The following HDAC4 variants were observed in gnomAD, a reference collection of about 807,000 sequenced individuals.
The protein encoded by HDAC4 is histone deacetylase A.
HDAC4 carries 16 observed loss-of-function variants against 135.1 expected under a neutral mutation model. The ratio of observed to expected loss-of-function variants is 0.12; its 90% CI spans 0.08 to 0.18. HDAC4 has a LOEUF of 0.18. Ranked by LOEUF, HDAC4 falls within the 10% of genes least tolerant of loss-of-function variation. The pLI is 1.00. For missense variants in HDAC4, 1,143 were observed against 1,511.8 expected (o/e 0.76, Z 4.05); for synonymous variants, 685 against 653.4 (o/e 1.05, Z -0.74).
At chr2:239,089,394 C>T (rs2036282286) in intron 18 of HDAC4, among the ~76,000 whole-genome samples, 1 of 152,136 alleles carries the variant, frequency 6.6e-6, no homozygotes, top group Non-Finnish European at 1.5e-5. Flanking sequence ...AATGGCGTGA[C>T]TCGGCTCGCC....
At chr2:239,236,788 CA>C (rs1353732597) in intron 2 of HDAC4, 124 bp from the exon 3 acceptor site, 4 of 741,946 alleles carry the variant, frequency 5.4e-6, no homozygotes, top group Middle Eastern at 2.3e-4. Flanking sequence ...CCTACTTTTA[CA>C]GGGGGACACT....
At chr2:239,162,555 C>T (rs3828217) in intron 6 of HDAC4, among the ~76,000 whole-genome samples, 13,298 of 152,298 alleles carry the variant, frequency 0.087, 647 homozygotes, top group East Asian at 0.18. Flanking sequence ...TCCCAGGTGC[C>T]GGTTGCCAGC....
intron 8 of HDAC4, among the ~76,000 whole-genome samples, chr2:239,142,127 G>A (rs892155837): frequency 2.0e-5 from 3 of 152,118 alleles, no homozygotes; most frequent in African/African-American, 7.2e-5. Context: ...TGTGCAGAGT[G>A]AGCAGGATTC....
chr2:239,338,803 C>G (rs1360311518), intron 2 of HDAC4, among the ~76,000 whole-genome samples: 4 of 152,124 alleles, frequency 2.6e-5, no homozygotes, highest in Non-Finnish European at 5.9e-5. Flanking sequence ...CAGCCACCAA[C>G]CACATTTCAA....
intron 6 of HDAC4, among the ~76,000 whole-genome samples, chr2:239,157,157 A>G (rs1326165133): frequency 1.3e-5 from 2 of 152,214 alleles, no homozygotes; most frequent in African/African-American, 4.8e-5. Flanking sequence ...GAAGAGGAAA[A>G]CAGTAGGCTG....
At chr2:239,219,892 A>G (rs1575442357) in intron 3 of HDAC4, among the ~76,000 whole-genome samples, 1 of 152,246 alleles carries the variant, frequency 6.6e-6, no homozygotes, top group East Asian at 1.9e-4. Flanking sequence ...CACAGAATGA[A>G]GACACACATG....
chr2:239,347,005 AC>A (rs1692755806), intron 2 of HDAC4, among the ~76,000 whole-genome samples: 1 of 124,950 alleles, frequency 8.0e-6, no homozygotes, highest in Non-Finnish European at 1.8e-5. Context: ...TAAAACACAC[AC>A]CCCATCACAC....
chr2:239,386,360 G>A (rs1187785192), intron 1 of HDAC4, among the ~76,000 whole-genome samples: 5 of 152,210 alleles, frequency 3.3e-5, no homozygotes, highest in Non-Finnish European at 5.9e-5. Flanking sequence ...AGACCAAAGA[G>A]AGATGGGTCA....
At chr2:239,119,976 CA>C (rs2039494383) in intron 12 of HDAC4, among the ~76,000 whole-genome samples, 1 of 61,334 alleles carries the variant, frequency 1.6e-5, no homozygotes, top group African/African-American at 3.5e-5. Flanking sequence ...GGCCAAGTGC[CA>C]GAGAAGGCAG....
intron 11 of HDAC4, among the ~76,000 whole-genome samples, chr2:239,132,780 G>T (rs565847676): frequency 6.6e-6 from 1 of 152,362 alleles, no homozygotes; most frequent in South Asian, 2.1e-4. Context: ...GAGAAGGAAA[G>T]AAGATAAGTG....
intron 3 of HDAC4, among the ~76,000 whole-genome samples, chr2:239,219,621 T>TAATAA (rs768178340): frequency 1.3e-3 from 193 of 151,378 alleles, no homozygotes; most frequent in African/African-American, 2.9e-3. Context: ...AGTATAATAA[T>TAATAA]AATAAAATAA....
chr2:239,090,567 C>T (rs1460490740), intron 17 of HDAC4, among the ~76,000 whole-genome samples: 2 of 150,434 alleles, frequency 1.3e-5, no homozygotes, highest in African/African-American at 4.9e-5. Flanking sequence ...CACTTGAGCC[C>T]AGGAGGTCGA....
chr2:239,130,348 C>G (rs2040486223), intron 11 of HDAC4, among the ~76,000 whole-genome samples: 1 of 152,184 alleles, frequency 6.6e-6, no homozygotes, highest in Non-Finnish European at 1.5e-5. Flanking sequence ...GGAAATGAGG[C>G]CTAAACAGTA....
intron 3 of HDAC4, among the ~76,000 whole-genome samples, chr2:239,230,495 A>C (rs1442698020): frequency 6.6e-6 from 1 of 151,746 alleles, no homozygotes; most frequent in Non-Finnish European, 1.5e-5. Flanking sequence ...TTGATTCCTC[A>C]AAGACACTTC....
In HDAC4 at chr2:239,099,848, G is replaced by C. The variant is rs373009410; in HGVS notation, c.2233+2928C>G. Among the ~76,000 whole-genome samples, 76 of 152,344 alleles carry C rather than the reference G, an allele frequency of 5.0e-4. 1 individual carries two copies. The highest frequency in any genetic ancestry group is 4.4e-3 in the East Asian group (23 of 5,190). ...CCACCCAGTAGAGGCCGGCCTCCAT[G>C]ATGGGCCTCCCAATGTTCTTTTGCC... On this transcript the variant is annotated intron_variant, in intron 16 of 26. Coordinates refer to ENST00000543185, the MANE Select transcript of HDAC4 (RefSeq NM_001378414.1).
intron 2 of HDAC4, among the ~76,000 whole-genome samples, chr2:239,315,896 T>C (rs67858464): frequency 0.2 from 30,092 of 152,030 alleles, 3,174 homozygotes; most frequent in South Asian, 0.23. Context: ...GTTTGATACA[T>C]GGAGGAAAAA....
At position 239,189,814 on chromosome 2, in the gene HDAC4, GC is replaced by G; in HGVS notation, c.339+18del. The G allele has an allele frequency of 6.3e-7, 1 of 1,598,080 alleles. No homozygotes were observed. ...GTGCCGGAGGCCTGGCCCACCCGCA[GC>G]CCCGCACCGCGCCTCACCTTGATGT... is the stretch of plus-strand genomic sequence containing the variant. On this transcript the variant is annotated intron_variant, in intron 4 of 26. Coordinates refer to ENST00000543185, the MANE Select transcript of HDAC4 (RefSeq NM_001378414.1).
chr2:239,238,751 G>A (rs1475853316), intron 2 of HDAC4, among the ~76,000 whole-genome samples: 2 of 152,180 alleles, frequency 1.3e-5, no homozygotes, highest in Non-Finnish European at 2.9e-5. Context: ...CTACACTGAA[G>A]CAGGAAGACA....
chr2:239,288,889 G>C (rs1378479808), intron 2 of HDAC4, among the ~76,000 whole-genome samples: 1 of 152,230 alleles, frequency 6.6e-6, no homozygotes, highest in Non-Finnish European at 1.5e-5. Context: ...TAGAGTCAAT[G>C]CAATTCCAAT....
Sources: allele counts gnomAD v4.1 joint callset (sites outside exome capture counted in the v4.1 genomes callset), GRCh38; gene constraint gnomAD v4.1.1; transcripts MANE v1.5; gene names NCBI Gene and HGNC (gene_info 2026-07-23, HGNC 2026-07-21).